Variants in STT3A observed in about 807,000 individuals in gnomAD.
STT3A encodes STT3 oligosaccharyltransferase complex catalytic subunit A, also known as dolichyl-diphosphooligosaccharide--protein glycosyltransferase subunit STT3A.
A neutral mutation model predicts 89.2 loss-of-function variants in STT3A; 34 were observed. The observed-to-expected ratio is 0.38, with a 90% confidence interval of 0.29 to 0.51. STT3A has a LOEUF of 0.51. STT3A is among the 20% of genes least tolerant of loss of function. The probability of loss-of-function intolerance (pLI) is 0.89; values close to 1 mark genes in which losing one functional copy is unlikely to be tolerated. For missense variants in STT3A, 555 were observed against 889.5 expected, an observed-to-expected ratio of 0.62 and a Z score of 4.78; for synonymous variants, 282 against 310.3, an observed-to-expected ratio of 0.91 and a Z score of 0.96.
intron 10 of STT3A, 58 bp downstream of exon 10, chr11:125,609,647 A>G (rs1233144976): frequency 1.3e-5 from 20 of 1,568,670 alleles, no homozygotes; most frequent in Non-Finnish European, 1.3e-5. Flanking sequence ...TTTGATTCCA[A>G]ATTTGCAAGC....
At chr11:125,598,754 G>A (rs921744763) in intron 3 of STT3A, among the ~76,000 whole-genome samples, 8 of 152,096 alleles carry the variant, frequency 5.3e-5, no homozygotes, top group African/African-American at 1.7e-4. Context: ...ACAGGCATGT[G>A]CCACCATACC....
At position 125,602,799 on chromosome 11, in the gene STT3A, A is replaced by G; in HGVS notation, c.272-4A>G. On this transcript the variant is annotated splice_region_variant and splice_polypyrimidine_tract_variant and intron_variant, in intron 4 of 17. Transcript: ENST00000392708. The stretch of plus-strand genomic sequence containing the variant: ...CCTAATGGAGTTTCTTCTTCCTGTT[A>G]CAGGTTTAATGATCACCTCTGCTGC... The G allele has an allele frequency of 6.2e-7, 1 of 1,614,088 alleles. No individual in the cohort carries two copies. Among genetic ancestry groups the G allele is most frequent in the Non-Finnish European group, 8.5e-7 (1 of 1,180,006 alleles).
chr11:125,614,156 G>A lies in STT3A; in HGVS notation c.1624G>A (p.Val542Met), dbSNP rs868534988. The A allele has an allele frequency of 1.2e-6, 2 of 1,614,168 alleles. No homozygotes were observed. Among genetic ancestry groups the A allele is most frequent in the Non-Finnish European group, 8.5e-7 (1 of 1,180,036 alleles). Residue 542 changes from valine to methionine, a missense_variant, in exon 14 of 18, where the codon GTG (valine) becomes ATG (methionine). By Grantham distance (21) the Val-to-Met change is conservative. This residue lies in a region of STT3A where 273 missense variants were observed against 449.8 expected (regional missense o/e 0.61). Transcript: ENST00000392708. The surrounding 1 kb of genome is among the most constrained non-coding windows in gnomAD (Gnocchi z 4.9). The part of the protein sequence containing the change: ...ITAMANRTIL[V>M]DNNTWNNTHI... ...AGCTATGGCAAACCGAACAATTTTA[G>A]TGGACAATAACACATGGAATAATAC...
intron 7 of STT3A, 64 bp downstream of exon 7, chr11:125,605,799 T>G: frequency 7.2e-7 from 1 of 1,396,430 alleles, no homozygotes; most frequent in Non-Finnish European, 9.9e-7. Context: ...CTATGGGTAC[T>G]TATTGTTTGA....
intron 16 of STT3A, 76 bp downstream of exon 16, chr11:125,618,637 AGCACTAGTAAGT>A: frequency 7.0e-7 from 1 of 1,419,038 alleles, no homozygotes; most frequent in Non-Finnish European, 9.5e-7. Context: ...CCATATGCCA[AGCACTAGTAAGT>A]GCTTTGTGTC....
chr11:125,610,291 A>C (rs1205570751), intron 10 of STT3A, among the ~76,000 whole-genome samples: 3 of 152,014 alleles, frequency 2.0e-5, no homozygotes, highest in African/African-American at 7.2e-5. Context: ...TCTTGAACTC[A>C]TGGGCTCAAG....
In STT3A at chr11:125,608,210, A is replaced by G. The variant is rs1178885292; in HGVS notation, c.882A>G (p.Gln294=). ...TGCGCAGCAAGTTGAATCCACAACA[A>G]TTTGAAGTTCTTTTCCGGAGCGTCA... ...DYLRSKLNPQ[Q]FEVLFRSVIS... The change falls in exon 9 of 18, where the codon CAA becomes CAG. Residue 294 remains glutamine (Q), a synonymous_variant. Coordinates refer to ENST00000392708, the MANE Select transcript of STT3A (RefSeq NM_152713.5). 6.2e-7 allele frequency: 1 copy of G among 1,614,206 alleles called. No individual in the cohort carries two copies. The highest frequency in any genetic ancestry group is 1.7e-5 in the Admixed American group (1 of 60,026).
rs749572292 is a variant in STT3A, at chr11:125,612,973, C to G, written c.1366-16C>G. 1.7e-5 allele frequency: 27 copies of G among 1,612,566 alleles called. No individual in the cohort carries two copies. The highest frequency in any genetic ancestry group is 2.3e-5 in the Non-Finnish European group (27 of 1,178,906). On this transcript the variant is annotated splice_polypyrimidine_tract_variant and intron_variant, in intron 12 of 17. Coordinates refer to ENST00000392708, the MANE Select transcript of STT3A (RefSeq NM_152713.5). ...AGTTTGGTTAACTACACAATTAATT[C>G]TTTTTCCTTGTTTAGGTGGCAAGTG...
rs1939958163 is a variant in STT3A at position 125,610,083 on chromosome 11, G to C, written c.1117+494G>C. Among the ~76,000 whole-genome samples the C allele has an allele frequency of 2.7e-5, 3 of 110,242 alleles. No individual in the cohort carries two copies. In the Admixed American group the frequency reaches 3.6e-4, roughly 13 times the overall value. The allele number at this position is 110,242 out of a possible 152,430, so 72.3% of individuals were successfully genotyped here. ...TTTTTTTTTTTTTTTTTTTTTTTGA[G>C]ATAGAGTCTTGCTCTGTTGCCTAGG... On this transcript the variant is annotated intron_variant, in intron 10 of 17. Coordinates refer to ENST00000392708, the MANE Select transcript of STT3A (RefSeq NM_152713.5).
chr11:125,615,982 T>G (rs1261959644), intron 15 of STT3A, among the ~76,000 whole-genome samples: 1 of 152,064 alleles, frequency 6.6e-6, no homozygotes, highest in Non-Finnish European at 1.5e-5. Context: ...GAGGTTGCAG[T>G]GAGTTGAGAT....
At chr11:125,609,332 C>A in intron 9 of STT3A, 102 bp from the exon 10 acceptor site, 1 of 1,427,648 alleles carries the variant, frequency 7.0e-7, no homozygotes, top group Non-Finnish European at 9.3e-7. Context: ...TAATCCTTCT[C>A]TGTCACTGAG....
chr11:125,616,925 A>G (rs1471721816), intron 15 of STT3A, among the ~76,000 whole-genome samples: 1 of 152,112 alleles, frequency 6.6e-6, no homozygotes, highest in Non-Finnish European at 1.5e-5. Flanking sequence ...TGATCCGCCC[A>G]TCTCAGCCTC....
intron 15 of STT3A, among the ~76,000 whole-genome samples, chr11:125,615,744 G>A (rs1332640395): frequency 1.3e-5 from 2 of 152,102 alleles, no homozygotes; most frequent in African/African-American, 4.8e-5. Flanking sequence ...AAGATAATAC[G>A]ATAACCATTA....
At chr11:125,618,314 C>T (rs769780632) in intron 15 of STT3A, 59 bp from the exon 16 acceptor site, 72 of 1,473,732 alleles carry the variant, frequency 4.9e-5, no homozygotes, top group Non-Finnish European at 6.3e-5. Flanking sequence ...GAAATACTAA[C>T]CTGCTTTAAC....
chr11:125,592,400 T>C (rs2135890682), upstream of STT3A: 1 of 456,346 alleles, frequency 2.2e-6, no homozygotes, highest in South Asian at 1.5e-5. Flanking sequence ...TCACCTTGTA[T>C]TAGGTAACAA....
In STT3A at chr11:125,611,147, C is replaced by T. The variant is rs142553134; in HGVS notation, c.1118-281C>T. The T allele has an allele frequency of 2.3e-3, 539 of 235,376 alleles. 3 individuals are homozygous for T. Among genetic ancestry groups the T allele is most frequent in the African/African-American group, 0.011 (507 of 44,500 alleles). The allele number at this position is 235,376 out of a possible 1,614,324, so 14.6% of individuals were successfully genotyped here. The stretch of plus-strand genomic sequence containing the variant: ...TGTAAGAAGGCAAGTAGTACATAAT[C>T]TCATGCAGCAATATTTTAATATATT... On this transcript the variant is annotated intron_variant, in intron 10 of 17. Coordinates refer to ENST00000392708, the MANE Select transcript of STT3A (RefSeq NM_152713.5).
At chr11:125,605,824 T>C in intron 7 of STT3A, 89 bp downstream of exon 7, 3 of 1,158,102 alleles carry the variant, frequency 2.6e-6, no homozygotes, top group Non-Finnish European at 3.7e-6. Context: ...CTTTCTTTTC[T>C]GGTAGGTTCC....
upstream of STT3A, chr11:125,592,362 AG>A (rs1939324008): frequency 6.6e-6 from 3 of 455,814 alleles, no homozygotes; most frequent in Admixed American, 4.7e-5. Flanking sequence ...GAGAATAAAT[AG>A]GTAGAAAATG....
intron 16 of STT3A, among the ~76,000 whole-genome samples, chr11:125,619,063 T>A (rs1405234623): frequency 6.6e-6 from 1 of 151,802 alleles, no homozygotes; most frequent in East Asian, 1.9e-4. Flanking sequence ...TTTGTTTTGT[T>A]TTTTGAGATG....
Sources: gnomAD v4.1 joint callset for allele counts (sites outside exome capture counted in the v4.1 genomes callset) on GRCh38, gnomAD v4.1.1 for gene constraint, gnomAD v4.1.1 regional missense constraint, Gnocchi (gnomAD v3.1) non-coding constraint, MANE v1.5 for transcripts, NCBI Gene and HGNC (gene_info 2026-07-23, HGNC 2026-07-21) for gene names.